The following DDX42 variants were observed in gnomAD, a reference collection of about 807,000 sequenced individuals.
DDX42 encodes DEAD-box helicase 42, also known as ATP-dependent RNA helicase DDX42.
DDX42 carries 22 observed loss-of-function variants against 101.5 expected under a neutral mutation model. That is an observed-to-expected ratio of 0.22 (90% CI 0.15 to 0.31). The LOEUF (loss-of-function observed/expected upper bound fraction) is 0.31. DDX42 is among the 10% of genes least tolerant of loss of function. DDX42 has a pLI of 1.00. For synonymous variants in DDX42, 402 were observed against 401.2 expected (o/e 1.00, Z -0.02); for missense variants, 849 against 1,199.9 (o/e 0.71, Z 4.32).
In DDX42 at chr17:63,818,586, G is replaced by A. The variant is rs2040009502; in HGVS notation, c.*188G>A. ...GGATGTTTTCTTGGGAAGCTGTTTTGGTCCTTGGAAGCAGTGAGAGCTGGG... is the reference window on the plus strand; with the variant it reads ...GGATGTTTTCTTGGGAAGCTGTTTTAGTCCTTGGAAGCAGTGAGAGCTGGG... On this transcript the variant is annotated 3_prime_UTR_variant, in exon 18 of 18. Coordinates refer to ENST00000389924, the MANE Select transcript of DDX42 (RefSeq NM_203499.3). The A allele has an allele frequency of 6.7e-6, 4 of 597,162 alleles. No individual in the cohort carries two copies. The Admixed American group carries it at 1.2e-4, about 18-fold the overall frequency. 37.0% of individuals were successfully genotyped at this position (597,162 alleles called of 1,614,324 possible).
chr17:63,810,640 G>A lies in DDX42; in HGVS notation c.1300+80G>A, dbSNP rs1018318375. 33 of 1,386,156 alleles carry A rather than the reference G, an allele frequency of 2.4e-5. No individual in the cohort carries two copies. In the African/African-American group the frequency reaches 4.2e-4, roughly 17 times the overall value. The allele number at this position is 1,386,156 out of a possible 1,614,324, so 85.9% of individuals were successfully genotyped here. A position where few individuals can be genotyped will look rare whatever the true frequency, so the allele number is the denominator to read the frequency against. ...TATTTTATAAGCACTCAGAGTTATG[G>A]AAGTAAAAATGATCTTGTGTCTGTT... is the stretch of plus-strand genomic sequence containing the variant. On this transcript the variant is annotated intron_variant, in intron 12 of 17. Transcript: ENST00000389924.
Position 63,817,918 on chromosome 17 carries a change from C to A in DDX42, c.2337C>A (p.Tyr779Ter). Residue 779 changes from tyrosine to a stop codon, truncating the protein, a stop_gained, in exon 18 of 18, where the codon TAC (tyrosine) becomes TAA (stop). Transcript: ENST00000389924. LOFTEE classifies it high-confidence loss of function. ...ACATCAGTGGTGCCCCTGTGACCTA[C>A]CCGTCTGCCGGAGCCCAAGGAGTCA... ...TGNISGAPVT[Y>*]PSAGAQGVNN... 2 of 1,614,162 alleles carry A rather than the reference C, an allele frequency of 1.2e-6. No homozygotes were observed. Among genetic ancestry groups the A allele is most frequent in the Non-Finnish European group, 1.7e-6 (2 of 1,180,014 alleles).
intron 17 of DDX42, 138 bp from the exon 18 acceptor site, chr17:63,817,556 T>C: frequency 3.9e-6 from 3 of 775,574 alleles, no homozygotes; most frequent in Non-Finnish European, 4.1e-6. Flanking sequence ...GGGACCATAC[T>C]GTGGGGCCAT....
Position 63,808,787 on chromosome 17 carries a change from C to T in DDX42, c.1024-33C>T, listed in dbSNP as rs372163474. The stretch of plus-strand genomic sequence containing the variant: ...TTGTGACAGGTATTTGTTAGTGTCA[C>T]AGTTTGTTAATATATTATTCACAAC... On this transcript the variant is annotated intron_variant, in intron 9 of 17. Coordinates refer to ENST00000389924, the MANE Select transcript of DDX42 (RefSeq NM_203499.3). 3 of 1,609,888 alleles carry T rather than the reference C, an allele frequency of 1.9e-6. No homozygotes were observed. The African/African-American group carries it at 4.0e-5, about 21-fold the overall frequency.
intron 7 of DDX42, 92 bp downstream of exon 7, chr17:63,805,267 C>T: frequency 1.4e-6 from 2 of 1,452,904 alleles, no homozygotes; most frequent in Non-Finnish European, 1.9e-6. Flanking sequence ...CCTTGAATTT[C>T]TTTTCTAATG....
At chr17:63,789,762 A>G (rs1362158922) in intron 2 of DDX42, among the ~76,000 whole-genome samples, 3 of 151,030 alleles carry the variant, frequency 2.0e-5, no homozygotes, top group African/African-American at 7.3e-5. Context: ...TAGTAGAGAC[A>G]GGGATTCTCC....
chr17:63,787,932 G>GT (rs2039568685), intron 2 of DDX42, among the ~76,000 whole-genome samples: 1 of 145,696 alleles, frequency 6.9e-6, no homozygotes, highest in Non-Finnish European at 1.5e-5. Context: ...TGGAGGCAGA[G>GT]TTTTGCTCGT....
At chr17:63,805,329 C>CCTG in intron 7 of DDX42, 154 bp downstream of exon 7, 1 of 904,724 alleles carries the variant, frequency 1.1e-6, no homozygotes. Flanking sequence ...CTGTTCATGT[C>CCTG]TCTTAATTTG....
chr17:63,782,005 G>A (rs564947521), intron 1 of DDX42, among the ~76,000 whole-genome samples: 4 of 151,738 alleles, frequency 2.6e-5, no homozygotes, highest in Admixed American at 1.3e-4. Context: ...GTGAGACTCC[G>A]TCTCAAAAAA....
At chr17:63,789,324 C>T (rs1350714645) in intron 2 of DDX42, among the ~76,000 whole-genome samples, 1 of 151,830 alleles carries the variant, frequency 6.6e-6, no homozygotes, top group African/African-American at 2.4e-5. Flanking sequence ...GGTGATCCAC[C>T]CGCCTCAGCC....
intron 6 of DDX42, among the ~76,000 whole-genome samples, chr17:63,802,628 A>G (rs948900496): frequency 2.0e-4 from 30 of 152,238 alleles, no homozygotes; most frequent in African/African-American, 7.0e-4. Context: ...AACAAAATTC[A>G]GGCTGGGTAT....
rs766667644 is a variant in DDX42 at position 63,818,357 on chromosome 17, C to T, written c.2776C>T (p.Pro926Ser). The change falls in exon 18 of 18, where the codon CCA becomes TCA. Residue 926 changes from proline to serine, a missense_variant. Transcript: ENST00000389924. ...TAAGACAGCTGACGGCTTTGCTGTC[C>T]CAGAGCCGCCTAAACGCAAGAAAAG... Reference protein sequence around the residue: ...TDKTADGFAVPEPPKRKKSRW... With the variant: ...TDKTADGFAVSEPPKRKKSRW... The T allele has an allele frequency of 1.2e-6, 2 of 1,613,926 alleles. No homozygotes were observed. Among genetic ancestry groups the T allele is most frequent in the South Asian group, 2.2e-5 (2 of 91,062 alleles).
At position 63,815,592 on chromosome 17, in the gene DDX42, A is replaced by G; in HGVS notation, c.1932A>G (p.Lys644=). 6.2e-7 allele frequency: 1 copy of G among 1,613,802 alleles called. No individual in the cohort carries two copies. The highest frequency in any genetic ancestry group is 8.5e-7 in the Non-Finnish European group (1 of 1,179,842). The change falls in exon 16 of 18, where the codon AAA becomes AAG. Residue 644 remains lysine (K), a synonymous_variant. Transcript: ENST00000389924. ...CCTGGTTTCGGAAATCTCGATTCAA[A>G]GGAGGGAAAGGAAAAAAGCTGAACA... ...QNAWFRKSRF[K]GGKGKKLNIG... is the part of the protein sequence containing the mutation.
chr17:63,809,732 T>G (rs2039886496), intron 11 of DDX42, 73 bp downstream of exon 11: 1 of 1,263,382 alleles, frequency 7.9e-7, no homozygotes, highest in African/African-American at 1.5e-5. Context: ...CTTTCTAGAC[T>G]GTTTTTTCAG....
chr17:63,815,498 C>G (rs2039965955), intron 15 of DDX42, 65 bp from the exon 16 acceptor site: 1 of 1,254,272 alleles, frequency 8.0e-7, no homozygotes, highest in East Asian at 2.4e-5. Flanking sequence ...TCCTCTTTGT[C>G]CTCGTTCTCT....
At position 63,815,652 on chromosome 17, in the gene DDX42, T is replaced by A. The variant is rs750900502; in HGVS notation, c.1992T>A (p.Pro664=). The A allele has an allele frequency of 1.1e-5, 18 of 1,613,646 alleles. No homozygotes were observed. Among genetic ancestry groups the A allele is most frequent in the Non-Finnish European group, 1.5e-5 (18 of 1,179,760 alleles). The change falls in exon 16 of 18, where the codon CCT becomes CCA. Residue 664 remains proline (P), a synonymous_variant. Transcript: ENST00000389924. Reference sequence around the variant, plus strand: ...GAGGCCTAGGCTACAGGGAGCGGCCTGGCCTGGGCTCTGAGAACATGGTGA... The same window carrying A: ...GAGGCCTAGGCTACAGGGAGCGGCCAGGCCTGGGCTCTGAGAACATGGTGA... The part of the protein sequence containing the change: ...GGGGLGYRER[P]GLGSENMDRG...
At chr17:63,788,497 G>A (rs1289720633) in intron 2 of DDX42, among the ~76,000 whole-genome samples, 2 of 151,112 alleles carry the variant, frequency 1.3e-5, no homozygotes, top group African/African-American at 2.4e-5. Flanking sequence ...TAGTACAGAC[G>A]GGGTTTCACC....
At chr17:63,802,926 T>C (rs998717102) in intron 6 of DDX42, among the ~76,000 whole-genome samples, 1 of 136,338 alleles carries the variant, frequency 7.3e-6, no homozygotes, top group African/African-American at 2.9e-5. Context: ...AAAAAAAAAA[T>C]TCAAGCTTTC....
intron 7 of DDX42, chr17:63,805,663 A>G (rs8069687): frequency 0.28 from 42,770 of 153,520 alleles, 6,354 homozygotes; most frequent in Middle Eastern, 0.37. Flanking sequence ...CACATTGGCT[A>G]CATTGGTTTA....
Sources: allele counts gnomAD v4.1 joint callset (sites outside exome capture counted in the v4.1 genomes callset), GRCh38; gene constraint gnomAD v4.1.1; transcripts MANE v1.5; gene names NCBI Gene and HGNC (gene_info 2026-07-23, HGNC 2026-07-21).